Variants in CACNA1C observed in about 807,000 individuals in gnomAD.
The protein encoded by CACNA1C is calcium voltage-gated channel subunit alpha1 C.
CACNA1C carries 30 observed loss-of-function variants against 229.0 expected under a neutral mutation model. The observed-to-expected ratio is 0.13, with a 90% CI of 0.10 to 0.18. The LOEUF (loss-of-function observed/expected upper bound fraction) is 0.18, where lower values mean the gene tolerates loss of function less well. CACNA1C is among the 10% of genes least tolerant of loss of function. The pLI is 1.00. For synonymous variants in CACNA1C, 1,114 were observed against 1,132.5 expected (o/e 0.98, Z 0.33); for missense variants, 1,658 against 2,845.0 (o/e 0.58, Z 9.49).
intron 13 of CACNA1C, among the ~76,000 whole-genome samples, chr12:2,576,934 TC>T (rs1228187611): frequency 2.6e-5 from 4 of 152,192 alleles, no homozygotes; most frequent in Non-Finnish European, 5.9e-5. Flanking sequence ...TTTCAGCAAT[TC>T]CTTTGTCTCA....
chr12:2,414,207 G>T (rs1462143730), intron 3 of CACNA1C, among the ~76,000 whole-genome samples: 1 of 152,196 alleles, frequency 6.6e-6, no homozygotes, highest in Non-Finnish European at 1.5e-5. Flanking sequence ...TTGATTTACT[G>T]TCTGCACATG....
intron 1 of CACNA1C, among the ~76,000 whole-genome samples, chr12:2,031,804 C>T (rs1409110419): frequency 1.3e-5 from 2 of 152,162 alleles, no homozygotes; most frequent in Admixed American, 6.5e-5. Context: ...TCTCCAAGTC[C>T]TGCTCAATCC....
At chr12:2,497,017 A>C (rs1301023664) in intron 7 of CACNA1C, among the ~76,000 whole-genome samples, 1 of 152,222 alleles carries the variant, frequency 6.6e-6, no homozygotes, top group Non-Finnish European at 1.5e-5. Flanking sequence ...CTAATGTGTA[A>C]CGTTACCATT....
intron 5 of CACNA1C, among the ~76,000 whole-genome samples, chr12:2,464,228 A>C (rs2099535092): frequency 6.6e-6 from 1 of 152,170 alleles, no homozygotes; most frequent in South Asian, 2.1e-4. Flanking sequence ...CTTGGAAGAC[A>C]CTCATCATGA....
In CACNA1C at chr12:2,582,962, C is replaced by A. The variant is rs777194958; in HGVS notation, c.2224+20C>A. 1.3e-5 allele frequency: 20 copies of A among 1,538,110 alleles called. No individual in the cohort carries two copies. Among genetic ancestry groups the A allele is most frequent in the Non-Finnish European group, 1.8e-5 (20 of 1,136,498 alleles). ...GAAACTGTATCCTTTGCTGCTGCCC[C>A]CCACCCCTGCGGCCCCCAGCCCCCA... is the stretch of plus-strand genomic sequence containing the variant. On this transcript the variant is annotated intron_variant, in intron 15 of 46. Coordinates refer to ENST00000399655, the MANE Select transcript of CACNA1C (RefSeq NM_000719.7).
chr12:2,180,466 A>G (rs1031522515), intron 3 of CACNA1C, among the ~76,000 whole-genome samples: 6 of 152,242 alleles, frequency 3.9e-5, no homozygotes, highest in African/African-American at 1.4e-4. Context: ...TGGAACCAGA[A>G]AGTGAGTCAT....
intron 3 of CACNA1C, among the ~76,000 whole-genome samples, chr12:2,405,149 TA>T (rs1013312214): frequency 2.6e-5 from 4 of 152,334 alleles, no homozygotes; most frequent in African/African-American, 9.6e-5. Flanking sequence ...TTAAATTTTT[TA>T]AAAATTTTAA....
intron 30 of CACNA1C, among the ~76,000 whole-genome samples, chr12:2,643,485 C>T (rs1300753066): frequency 4.6e-5 from 7 of 152,236 alleles, no homozygotes; most frequent in Non-Finnish European, 1.0e-4. Flanking sequence ...CTACCCTCAG[C>T]TTCTGTCTAT....
upstream of CACNA1C, among the ~76,000 whole-genome samples, chr12:2,050,000 C>T (rs1404462661): frequency 2.0e-5 from 3 of 152,160 alleles, no homozygotes; most frequent in African/African-American, 2.4e-5. Context: ...ACTAAAGAAG[C>T]GTGGAGGTAA....
At chr12:2,221,309 G>T (rs769745840) in intron 3 of CACNA1C, among the ~76,000 whole-genome samples, 6 of 152,298 alleles carry the variant, frequency 3.9e-5, no homozygotes, top group Non-Finnish European at 8.8e-5. Context: ...TCTGCCTGTG[G>T]ATTAGAAAAG....
At chr12:2,140,633 C>CT (rs1465961712) in intron 3 of CACNA1C, among the ~76,000 whole-genome samples, 2 of 151,320 alleles carry the variant, frequency 1.3e-5, no homozygotes, top group African/African-American at 4.8e-5. Flanking sequence ...GTAGAGGATT[C>CT]TTTTATGTTC....
At chr12:2,405,195 C>T (rs2098722672) in intron 3 of CACNA1C, among the ~76,000 whole-genome samples, 1 of 152,158 alleles carries the variant, frequency 6.6e-6, no homozygotes. Flanking sequence ...TCAAAGGTAG[C>T]ACAGAGGCAG....
At chr12:2,431,984 C>T (rs754325587) in intron 3 of CACNA1C, among the ~76,000 whole-genome samples, 1 of 152,164 alleles carries the variant, frequency 6.6e-6, no homozygotes, top group Non-Finnish European at 1.5e-5. Context: ...AGGATAAGGC[C>T]GTGAATCACT....
chr12:2,661,280 T>TACACACAC lies in CACNA1C; in HGVS notation c.4233-3517_4233-3510dup, dbSNP rs1210712672. ...CCATCTCTAAACACATACACACACATACACACACACACACACACACACACA... is the reference window on the plus strand; with the variant it reads ...CCATCTCTAAACACATACACACACATACACACACACACACACACACACACACACACACA... On this transcript the variant is annotated intron_variant, in intron 34 of 46. Transcript: ENST00000399655. Among the ~76,000 whole-genome samples, 301 of 123,456 alleles carry TACACACAC rather than the reference T, an allele frequency of 2.4e-3. 2 individuals carry two copies. Among genetic ancestry groups the TACACACAC allele is most frequent in the African/African-American group, 6.4e-3 (200 of 31,216 alleles). 81.0% of individuals were successfully genotyped at this position (123,456 alleles called of 152,430 possible).
At chr12:2,311,714 G>A (rs781507724) in intron 3 of CACNA1C, among the ~76,000 whole-genome samples, 24 of 152,316 alleles carry the variant, frequency 1.6e-4, no homozygotes, top group African/African-American at 5.8e-4. Flanking sequence ...TTCATGGTGG[G>A]CCTGCAGAGA....
At chr12:2,309,477 CCACACACACACACATACACACACA>C (rs1350673615) in intron 3 of CACNA1C, among the ~76,000 whole-genome samples, 1 of 150,630 alleles carries the variant, frequency 6.6e-6, no homozygotes, top group Non-Finnish European at 1.5e-5. Context: ...GCCTATGACA[CCACACACACACACATACACACACA>C]CACACACACA....
At chr12:2,293,679 C>G (rs953871694) in intron 3 of CACNA1C, among the ~76,000 whole-genome samples, 3 of 152,242 alleles carry the variant, frequency 2.0e-5, no homozygotes, top group African/African-American at 7.2e-5. Context: ...TTGGGCATCC[C>G]TGGTCTAGAG....
At chr12:2,648,609 G>C in intron 31 of CACNA1C, 102 bp downstream of exon 31, 1 of 984,904 alleles carries the variant, frequency 1.0e-6, no homozygotes, top group Non-Finnish European at 1.6e-6. Context: ...GCCCTGCCTG[G>C]CTCTCACTGC....
rs192310261 is a variant in CACNA1C at position 2,463,876 on chromosome 12, C to T, written c.757+6170C>T. ...TGAGCATCCACTCTCCCACTGCAGCCGTGCTGTGGAGCATGCGTATTACAC... is the reference window on the plus strand; with the variant it reads ...TGAGCATCCACTCTCCCACTGCAGCTGTGCTGTGGAGCATGCGTATTACAC... On this transcript the variant is annotated intron_variant, in intron 5 of 46. Coordinates refer to ENST00000399655, the MANE Select transcript of CACNA1C (RefSeq NM_000719.7). Among the ~76,000 whole-genome samples the T allele has an allele frequency of 2.4e-3, 361 of 152,300 alleles. 3 individuals are homozygous for T. The highest frequency in any genetic ancestry group is 0.018 in the Admixed American group (274 of 15,300).
Sources: gnomAD v4.1 joint callset for allele counts (sites outside exome capture counted in the v4.1 genomes callset) on GRCh38, gnomAD v4.1.1 for gene constraint, MANE v1.5 for transcripts, NCBI Gene and HGNC (gene_info 2026-07-23, HGNC 2026-07-21) for gene names.